CDKL3: variants seen among roughly 807,000 people sequenced by gnomAD.
CDKL3 encodes the protein cyclin dependent kinase like 3, also known as cyclin-dependent kinase-like 3.
In CDKL3, 65 loss-of-function variants were observed where a neutral mutation model predicts 69.3. The observed-to-expected ratio is 0.94, with a 90% CI of 0.77 to 1.15. The LOEUF is 1.15. CDKL3 is among the 50% of genes most tolerant of loss of function. The probability of loss-of-function intolerance (pLI) is 0.00; values close to 1 mark genes in which losing one functional copy is unlikely to be tolerated. For missense variants in CDKL3, 652 were observed against 689.2 expected (o/e 0.95, Z 0.61); for synonymous variants, 202 against 221.6 (o/e 0.91, Z 0.79).
intron 6 of CDKL3, among the ~76,000 whole-genome samples, chr5:134,317,857 G>T (rs755885766): frequency 2.0e-5 from 3 of 152,036 alleles, no homozygotes; most frequent in Admixed American, 6.6e-5. Context: ...GCAGTGAGCC[G>T]AGGTGACACC....
chr5:134,351,172 T>A (rs1753213323), intron 3 of CDKL3, among the ~76,000 whole-genome samples: 1 of 152,188 alleles, frequency 6.6e-6, no homozygotes, highest in African/African-American at 2.4e-5. Context: ...TTCTGAGACC[T>A]AAAATGTTCC....
At chr5:134,364,873 C>G (rs1273362288) in intron 2 of CDKL3, among the ~76,000 whole-genome samples, 1 of 151,578 alleles carries the variant, frequency 6.6e-6, no homozygotes, top group African/African-American at 2.4e-5. Context: ...GTGGCGTGAT[C>G]TCGGCTCACT....
chr5:134,326,819 A>ATC (rs1774370851), intron 4 of CDKL3, among the ~76,000 whole-genome samples: 1 of 106,170 alleles, frequency 9.4e-6, no homozygotes, highest in Non-Finnish European at 1.7e-5. Flanking sequence ...ATGTGTGTGT[A>ATC]TATATATATA....
At chr5:134,369,601 C>T (rs995573941), upstream of CDKL3, among the ~76,000 whole-genome samples, 3 of 55,220 alleles carry the variant, frequency 5.4e-5, no homozygotes, top group East Asian at 1.8e-3. Flanking sequence ...TTGGTTGTTG[C>T]GGGATTTTTT....
Position 134,302,498 on chromosome 5 carries a change from A to T in CDKL3, c.1719+92T>A, listed in dbSNP as rs1390582259. 3.7e-5 allele frequency: 25 copies of T among 679,110 alleles called. No homozygotes were observed. In the East Asian group the frequency reaches 7.3e-4, roughly 20 times the overall value. The allele number at this position is 679,110 out of a possible 1,614,324, so 42.1% of individuals were successfully genotyped here. A position where few individuals can be genotyped will look rare whatever the true frequency, so the allele number is the denominator to read the frequency against. Reference sequence around the variant, plus strand: ...AGATTATAAAATTTTGAATTTTTATATAGCTTTCCAATAGTAATAACTAAA... The same window carrying T: ...AGATTATAAAATTTTGAATTTTTATTTAGCTTTCCAATAGTAATAACTAAA... On this transcript the variant is annotated intron_variant, in intron 12 of 12. Transcript: ENST00000265334.
chr5:134,284,626 A>C (rs326609), downstream of CDKL3, among the ~76,000 whole-genome samples: 3,617 of 152,332 alleles, frequency 0.024, 89 homozygotes, highest in African/African-American at 0.062. Flanking sequence ...GCAGGAGACC[A>C]GGGCGTATTT....
At chr5:134,292,849 T>C (rs538026750) in intron 8 of CDKL3, among the ~76,000 whole-genome samples, 20 of 152,018 alleles carry the variant, frequency 1.3e-4, no homozygotes, top group Admixed American at 3.9e-4. Context: ...TTAGTTGGGA[T>C]GAATCTATTC....
intron 4 of CDKL3, among the ~76,000 whole-genome samples, chr5:134,323,184 C>T (rs562369617): frequency 7.3e-4 from 111 of 152,230 alleles, no homozygotes; most frequent in African/African-American, 2.6e-3. Flanking sequence ...AGAGTCAATA[C>T]AATCCCAGAC....
At chr5:134,364,989 TC>T (rs1329811300) in intron 2 of CDKL3, among the ~76,000 whole-genome samples, 9 of 150,038 alleles carry the variant, frequency 6.0e-5, no homozygotes, top group African/African-American at 2.5e-5. Context: ...TTTTTTTTTT[TC>T]CTTTTCTTTT....
chr5:134,357,514 C>T (rs1167736182), intron 3 of CDKL3, among the ~76,000 whole-genome samples: 2 of 151,842 alleles, frequency 1.3e-5, no homozygotes, highest in Admixed American at 6.6e-5. Context: ...GCCTGTAATC[C>T]CAGCTACTCA....
intron 4 of CDKL3, among the ~76,000 whole-genome samples, chr5:134,345,420 G>A (rs1446750481): frequency 6.6e-6 from 1 of 152,120 alleles, no homozygotes; most frequent in African/African-American, 2.4e-5. Flanking sequence ...TACATACTAG[G>A]TCCTGTTAAA....
intron 11 of CDKL3, among the ~76,000 whole-genome samples, chr5:134,303,676 C>CT (rs1200752694): frequency 1.3e-5 from 2 of 151,284 alleles, no homozygotes; most frequent in African/African-American, 4.9e-5. Flanking sequence ...GAACCCCCCC[C>CT]CCGTCTCTAC....
chr5:134,329,411 TA>T (rs1210571547), intron 4 of CDKL3, among the ~76,000 whole-genome samples: 1 of 152,066 alleles, frequency 6.6e-6, no homozygotes, highest in African/African-American at 2.4e-5. Flanking sequence ...AAAGGCAATA[TA>T]AATGCAGAAT....
intron 7 of CDKL3, among the ~76,000 whole-genome samples, chr5:134,311,230 G>A (rs962268756): frequency 6.6e-6 from 1 of 152,186 alleles, no homozygotes; most frequent in Non-Finnish European, 1.5e-5. Flanking sequence ...GCAGCCGGGC[G>A]CAATGGCTCA....
chr5:134,362,420 G>A (rs1756273247), intron 2 of CDKL3, among the ~76,000 whole-genome samples: 1 of 152,062 alleles, frequency 6.6e-6, no homozygotes, highest in Admixed American at 6.5e-5. Context: ...TCAGGAGGCT[G>A]AGGCAGGAGA....
rs909933841 is a variant in CDKL3, at chr5:134,298,573, A to T, written c.*78T>A. On this transcript the variant is annotated 3_prime_UTR_variant, in exon 13 of 13. Coordinates refer to ENST00000265334, the MANE Select transcript of CDKL3 (RefSeq NM_001113575.2). ...GATGGCTGTCTTAACAACAACTCACATCACACTTCTATTGTAGATAAATAA... is the reference window on the plus strand; with the variant it reads ...GATGGCTGTCTTAACAACAACTCACTTCACACTTCTATTGTAGATAAATAA... 97 of 1,554,064 alleles carry T rather than the reference A, an allele frequency of 6.2e-5. 1 individual carries two copies. Among genetic ancestry groups the T allele is most frequent in the Non-Finnish European group, 1.6e-5 (18 of 1,153,084 alleles).
intron 4 of CDKL3, among the ~76,000 whole-genome samples, chr5:134,324,790 T>G (rs1050346989): frequency 6.6e-6 from 1 of 152,184 alleles, no homozygotes; most frequent in Admixed American, 6.5e-5. Flanking sequence ...CATTATACAT[T>G]TATCAAAACC....
chr5:134,349,867 A>G, intron 4 of CDKL3, among the ~76,000 whole-genome samples: 1 of 152,170 alleles, frequency 6.6e-6, no homozygotes, highest in Non-Finnish European at 1.5e-5. Flanking sequence ...GGTGACAGAT[A>G]TACAAGCACA....
In CDKL3 at chr5:134,350,194, T is replaced by C. The variant is rs1208785262; in HGVS notation, c.539+55A>G. ...CAGAGCAACACGCCATCTCAAAAAA[T>C]AAACAAAAAAAGAGATACCTAGGAA... is the stretch of plus-strand genomic sequence containing the variant. On this transcript the variant is annotated intron_variant, in intron 4 of 12. Coordinates refer to ENST00000265334, the MANE Select transcript of CDKL3 (RefSeq NM_001113575.2). 5 of 1,381,630 alleles carry C rather than the reference T, an allele frequency of 3.6e-6. No homozygotes were observed. The African/African-American group carries it at 7.4e-5, about 21-fold the overall frequency. 85.6% of individuals were successfully genotyped at this position (1,381,630 alleles called of 1,614,324 possible). A position where few individuals can be genotyped will look rare whatever the true frequency, so the allele number is the denominator to read the frequency against.
Sources: gnomAD v4.1 joint callset for allele counts (sites outside exome capture counted in the v4.1 genomes callset) on GRCh38, gnomAD v4.1.1 for gene constraint, MANE v1.5 for transcripts, NCBI Gene and HGNC (gene_info 2026-07-23, HGNC 2026-07-21) for gene names.